ARMC2: variants seen among roughly 807,000 people sequenced by gnomAD.
ARMC2 encodes the protein armadillo repeat-containing protein 2.
In ARMC2, 67 loss-of-function variants were observed where a neutral mutation model predicts 90.3. The ratio of observed to expected loss-of-function variants is 0.74; its 90% CI spans 0.61 to 0.91. ARMC2 has a LOEUF of 0.91. Ranked by LOEUF, ARMC2 falls within the 40% of genes least tolerant of loss-of-function variation. The pLI is 0.00. For missense variants in ARMC2, 920 were observed against 1,030.9 expected (o/e 0.89, Z 1.47); for synonymous variants, 393 against 393.0 (o/e 1.00, Z 0.00).
the ARMC2 span, among the ~76,000 whole-genome samples, chr6:108,989,017 T>C: frequency 7.9e-5 from 12 of 152,304 alleles, no homozygotes; most frequent in South Asian, 2.3e-3. Context: ...AACAAACTAT[T>C]ATTGAGACGG....
chr6:109,032,951 A>G, the ARMC2 span, among the ~76,000 whole-genome samples: 1 of 152,208 alleles, frequency 6.6e-6, no homozygotes, highest in Non-Finnish European at 1.5e-5. Context: ...GAACCCACAC[A>G]GGTATTTCAT....
the ARMC2 span, chr6:108,998,695 A>C: frequency 1.3e-5 from 21 of 1,613,820 alleles, no homozygotes; most frequent in Non-Finnish European, 1.6e-5. Flanking sequence ...TGTGTGAGTA[A>C]AACTACTGCA....
intron 10 of ARMC2, among the ~76,000 whole-genome samples, chr6:108,919,094 G>T (rs1330305346): frequency 6.6e-6 from 1 of 151,830 alleles, no homozygotes; most frequent in African/African-American, 2.4e-5. Flanking sequence ...CCAATTCTCA[G>T]AGCCAGCTAT....
At chr6:109,039,378 CTGTAATTTCCCTT>C in the ARMC2 span, among the ~76,000 whole-genome samples, 8 of 152,196 alleles carry the variant, frequency 5.3e-5, no homozygotes, top group Non-Finnish European at 7.3e-5. Context: ...TGAGAATTTT[CTGTAATTTCCCTT>C]CACTTTTACA....
chr6:109,001,543 A>G, the ARMC2 span: 1 of 1,455,388 alleles, frequency 6.9e-7, no homozygotes, highest in Non-Finnish European at 9.6e-7. Context: ...TGTTAAGGGA[A>G]GAAAATATAC....
At chr6:108,989,245 T>C in the ARMC2 span, among the ~76,000 whole-genome samples, 3 of 152,166 alleles carry the variant, frequency 2.0e-5, no homozygotes, top group Non-Finnish European at 4.4e-5. Context: ...TCAAGTGATC[T>C]GCCCGCCTTG....
At chr6:108,942,742 T>C (rs1299985410) in intron 12 of ARMC2, among the ~76,000 whole-genome samples, 1 of 152,216 alleles carries the variant, frequency 6.6e-6, no homozygotes, top group Non-Finnish European at 1.5e-5. Context: ...TCAGTAGACC[T>C]TCCCTGTTTT....
At chr6:108,933,151 T>C (rs1775714321) in intron 11 of ARMC2, among the ~76,000 whole-genome samples, 1 of 152,192 alleles carries the variant, frequency 6.6e-6, no homozygotes, top group Non-Finnish European at 1.5e-5. Context: ...TGTAAATTGC[T>C]TTGGTCAGTA....
the ARMC2 span, chr6:108,988,583 A>G: frequency 1.9e-6 from 3 of 1,613,332 alleles, no homozygotes; most frequent in East Asian, 2.2e-5. Context: ...GCTATCATAC[A>G]TTCTTTTGGT....
the ARMC2 span, chr6:109,009,452 C>T: frequency 7.5e-7 from 1 of 1,336,522 alleles, no homozygotes. Context: ...CGGCGGCGGC[C>T]AAGCGCATGT....
In ARMC2 at chr6:108,936,880, C is replaced by A. The variant is rs1378731335; in HGVS notation, c.1497-20C>A. On this transcript the variant is annotated intron_variant, in intron 11 of 17. Coordinates refer to ENST00000392644, the MANE Select transcript of ARMC2 (RefSeq NM_032131.6). ...GAAAAACAAAGTTTACCTTTATTTT[C>A]CCATTTGGCATTTCTGCAGCAAACT... 1.3e-6 allele frequency: 2 copies of A among 1,557,852 alleles called. No individual in the cohort carries two copies. The highest frequency in any genetic ancestry group is 1.4e-5 in the African/African-American group (1 of 73,876).
intron 7 of ARMC2, among the ~76,000 whole-genome samples, chr6:108,903,925 T>TCTG (rs1772408095): frequency 6.6e-6 from 1 of 152,172 alleles, no homozygotes; most frequent in Admixed American, 6.5e-5. Context: ...GTGGAGGGCA[T>TCTG]CTGGAGTAAA....
the ARMC2 span, among the ~76,000 whole-genome samples, chr6:109,048,367 A>G: frequency 1.1e-3 from 160 of 152,284 alleles, 1 homozygote; most frequent in African/African-American, 3.5e-3. Context: ...GATCTGCACC[A>G]CAGTATTGCA....
chr6:108,962,894 G>A (rs1189526243), intron 15 of ARMC2, among the ~76,000 whole-genome samples: 2 of 152,178 alleles, frequency 1.3e-5, no homozygotes, highest in African/African-American at 2.4e-5. Context: ...AGCTACTTGG[G>A]AGGCTGAGGC....
chr6:108,856,377 G>A (rs1245252026), intron 2 of ARMC2: 2 of 165,908 alleles, frequency 1.2e-5, no homozygotes, highest in African/African-American at 4.8e-5. Context: ...AGTACTCTTT[G>A]ATAACATCCT....
chr6:108,907,067 C>T (rs1772814525), intron 8 of ARMC2, among the ~76,000 whole-genome samples: 1 of 152,194 alleles, frequency 6.6e-6, no homozygotes, highest in African/African-American at 2.4e-5. Context: ...CAAATTTGCA[C>T]TGACTGTAAA....
At chr6:108,953,634 G>A (rs1376350513) in intron 13 of ARMC2, among the ~76,000 whole-genome samples, 1 of 152,190 alleles carries the variant, frequency 6.6e-6, no homozygotes, top group Non-Finnish European at 1.5e-5. Context: ...GAATTACATT[G>A]CAATTTTTTA....
downstream of ARMC2, among the ~76,000 whole-genome samples, chr6:108,977,656 A>G (rs1031065188): frequency 1.3e-5 from 2 of 152,120 alleles, no homozygotes; most frequent in Non-Finnish European, 2.9e-5. Flanking sequence ...TATGCTATTA[A>G]TTGCTGCCTC....
chr6:108,850,892 C>T (rs1014385890), intron 1 of ARMC2, among the ~76,000 whole-genome samples: 4 of 152,000 alleles, frequency 2.6e-5, no homozygotes, highest in African/African-American at 7.3e-5. Context: ...GGAGTCTGGA[C>T]GAGGGGCACT....
Sources: allele counts gnomAD v4.1 joint callset (sites outside exome capture counted in the v4.1 genomes callset), GRCh38; gene constraint gnomAD v4.1.1; transcripts MANE v1.5; gene names NCBI Gene and HGNC (gene_info 2026-07-23, HGNC 2026-07-21).